The following SLC35A3 variants were observed in gnomAD, a reference collection of about 807,000 sequenced individuals.
SLC35A3 encodes solute carrier family 35 member A3.
SLC35A3 carries 26 observed loss-of-function variants against 39.0 expected under a neutral mutation model. The observed-to-expected ratio is 0.67, with a 90% CI of 0.49 to 0.92. The LOEUF (loss-of-function observed/expected upper bound fraction) is 0.92. Among genes scored for constraint, SLC35A3 ranks in the 40% least tolerant of loss-of-function variants. The probability of loss-of-function intolerance (pLI) is 0.00; values close to 1 mark genes in which losing one functional copy is unlikely to be tolerated. For missense variants in SLC35A3, 299 were observed against 371.6 expected (o/e 0.80, Z 1.61); for synonymous variants, 135 against 133.1 (o/e 1.01, Z -0.10).
intron 1 of SLC35A3, among the ~76,000 whole-genome samples, chr1:99,971,495 G>T (rs1656811055): frequency 6.6e-6 from 1 of 152,054 alleles, no homozygotes; most frequent in Admixed American, 6.6e-5. Flanking sequence ...TTTTAATAGA[G>T]ACGGGGTTTC....
intron 1 of SLC35A3, among the ~76,000 whole-genome samples, chr1:99,985,993 G>A (rs1229567142): frequency 6.6e-6 from 1 of 152,008 alleles, no homozygotes; most frequent in Non-Finnish European, 1.5e-5. Context: ...TGTTTTCTAA[G>A]TATACAATCA....
At chr1:100,016,375 ATTTT>A (rs35656354) in intron 6 of SLC35A3, among the ~76,000 whole-genome samples, 1 of 81,160 alleles carries the variant, frequency 1.2e-5, no homozygotes, top group Non-Finnish European at 2.8e-5. Context: ...GGATACTTCT[ATTTT>A]TTTTTTTTTT....
intron 4 of SLC35A3, among the ~76,000 whole-genome samples, chr1:100,010,849 A>G (rs190009846): frequency 0.01 from 1,568 of 152,300 alleles, 18 homozygotes; most frequent in Non-Finnish European, 0.015. Context: ...AGTCCCTTCC[A>G]ACACATTTCG....
At chr1:100,014,374 C>G (rs930860391) in intron 5 of SLC35A3, among the ~76,000 whole-genome samples, 2 of 152,118 alleles carry the variant, frequency 1.3e-5, no homozygotes, top group African/African-American at 4.8e-5. Context: ...GCATGCACCA[C>G]CACACCTAAC....
intron 1 of SLC35A3, among the ~76,000 whole-genome samples, chr1:99,983,591 G>A (rs999066293): frequency 6.6e-6 from 1 of 150,718 alleles, no homozygotes; most frequent in Non-Finnish European, 1.5e-5. Flanking sequence ...GAAGGAATAA[G>A]TTTGAGTATA....
intron 5 of SLC35A3, among the ~76,000 whole-genome samples, chr1:100,014,171 T>C (rs1184010217): frequency 6.6e-6 from 1 of 152,178 alleles, no homozygotes; most frequent in Non-Finnish European, 1.5e-5. Flanking sequence ...TTAGCTGTGA[T>C]TTTTTGGATA....
chr1:99,972,194 C>A (rs1656855240), intron 1 of SLC35A3, among the ~76,000 whole-genome samples: 1 of 152,100 alleles, frequency 6.6e-6, no homozygotes, highest in African/African-American at 2.4e-5. Flanking sequence ...AGCCACTACG[C>A]CCAGCCCATT....
At chr1:100,000,201 T>G (rs1658672392) in intron 3 of SLC35A3, among the ~76,000 whole-genome samples, 1 of 152,196 alleles carries the variant, frequency 6.6e-6, no homozygotes, top group Admixed American at 6.5e-5. Flanking sequence ...TCAGCAACAA[T>G]GTACAAGAGC....
chr1:100,011,845 A>C (rs1659680755), intron 5 of SLC35A3, among the ~76,000 whole-genome samples: 1 of 151,476 alleles, frequency 6.6e-6, no homozygotes, highest in Non-Finnish European at 1.5e-5. Flanking sequence ...CAGCCTCCTG[A>C]GTAGCTGAGA....
intron 7 of SLC35A3, among the ~76,000 whole-genome samples, chr1:100,018,713 C>T (rs1262294021): frequency 6.6e-6 from 1 of 152,014 alleles, no homozygotes; most frequent in African/African-American, 2.4e-5. Flanking sequence ...CTCCTTACCT[C>T]GAGCAATCTT....
chr1:99,971,843 T>C (rs1362810793), intron 1 of SLC35A3, among the ~76,000 whole-genome samples: 1 of 152,212 alleles, frequency 6.6e-6, no homozygotes, highest in Non-Finnish European at 1.5e-5. Flanking sequence ...ATGCCATCTC[T>C]TTCTTATGCA....
At chr1:99,977,364 C>CAA (rs61423393) in intron 1 of SLC35A3, among the ~76,000 whole-genome samples, 15,782 of 98,208 alleles carry the variant, frequency 0.16, 1,080 homozygotes, top group African/African-American at 0.18. Flanking sequence ...TTAAAAATAC[C>CAA]AAAAAAAAAA....
chr1:100,003,359 T>C (rs1570603414), intron 3 of SLC35A3, among the ~76,000 whole-genome samples: 1 of 133,738 alleles, frequency 7.5e-6, no homozygotes, highest in East Asian at 2.1e-4. Flanking sequence ...GAGGTTGCCG[T>C]GAGCTGAGAT....
chr1:99,980,880 A>G (rs1657414635), intron 1 of SLC35A3, among the ~76,000 whole-genome samples: 1 of 152,146 alleles, frequency 6.6e-6, no homozygotes, highest in South Asian at 2.1e-4. Flanking sequence ...TATTTCTTTC[A>G]CTTACATGAA....
chr1:99,981,739 C>G (rs1657459859), intron 1 of SLC35A3, among the ~76,000 whole-genome samples: 1 of 152,080 alleles, frequency 6.6e-6, no homozygotes. Flanking sequence ...CCTCAGCCTC[C>G]CAAAGTGCTG....
At chr1:99,991,559 A>G (rs1011706644) in intron 1 of SLC35A3, among the ~76,000 whole-genome samples, 1 of 152,148 alleles carries the variant, frequency 6.6e-6, no homozygotes, top group African/African-American at 2.4e-5. Context: ...TTGTATTTCC[A>G]TATGATTTTA....
At chr1:99,978,799 T>C (rs2101042188) in intron 1 of SLC35A3, 1 of 152,350 alleles carries the variant, frequency 6.6e-6, no homozygotes, top group South Asian at 2.1e-4. Flanking sequence ...ATTGAGTGCA[T>C]ACTGTGTGCA....
chr1:100,011,532 T>C lies in SLC35A3; in HGVS notation c.633T>C (p.Leu211=), dbSNP rs775775011. ...KQSVWIRNIQ[L]GFFGSIFGLM... The stretch of plus-strand genomic sequence containing the variant: ...CAGTGTGGATAAGAAATATTCAGCT[T>C]GGTAAGTTTTAAATGTTTTCTAATA... Residue 211 remains leucine (L), a splice_region_variant and synonymous_variant, in exon 5 of 8, where the codon CTT becomes CTC. Transcript: ENST00000533028. 1 of 1,315,132 alleles carries C rather than the reference T, an allele frequency of 7.6e-7. No homozygotes were observed. The highest frequency in any genetic ancestry group is 2.2e-5 in the Admixed American group (1 of 45,340). 81.5% of individuals were successfully genotyped at this position (1,315,132 alleles called of 1,614,324 possible).
At chr1:100,017,913 A>C in intron 7 of SLC35A3, 98 bp downstream of exon 7, 1 of 608,218 alleles carries the variant, frequency 1.6e-6, no homozygotes. Flanking sequence ...AAGCACTGAA[A>C]TATAATTTTA....
Sources: allele counts gnomAD v4.1 joint callset (sites outside exome capture counted in the v4.1 genomes callset), GRCh38; gene constraint gnomAD v4.1.1; transcripts MANE v1.5; gene names NCBI Gene and HGNC (gene_info 2026-07-23, HGNC 2026-07-21).